Variants in UQCRB observed in about 807,000 individuals in gnomAD.
UQCRB encodes cytochrome b-c1 complex subunit 7.
A neutral mutation model predicts 19.8 loss-of-function variants in UQCRB; 12 were observed. The observed-to-expected ratio is 0.61, with a 90% CI of 0.39 to 0.98. The LOEUF is 0.98. UQCRB is among the 50% of genes least tolerant of loss of function. UQCRB has a pLI of 0.00. For synonymous variants in UQCRB, 39 were observed against 42.9 expected, an observed-to-expected ratio of 0.91 and a Z score of 0.35; for missense variants, 142 against 131.8, an observed-to-expected ratio of 1.08 and a Z score of -0.38.
intron 1 of UQCRB, chr8:96,234,698 A>G (rs751614250): frequency 2.6e-6 from 1 of 386,550 alleles, no homozygotes; most frequent in East Asian, 7.2e-5. Context: ...AGCTACTCCA[A>G]CTTGGTTGCA....
chr8:96,229,329 A>G lies in UQCRB; in HGVS notation c.*1726T>C, dbSNP rs1259911769. ...TCCCCTGTCCTTCAGCAGTGCCCTT[A>G]GGCTTGCTTTAAACATTAACAGCAT... is the stretch of plus-strand genomic sequence containing the variant. On this transcript the variant is annotated 3_prime_UTR_variant, in exon 4 of 4. Coordinates refer to ENST00000287022, the MANE Select transcript of UQCRB (RefSeq NM_006294.5). 1 of 454,070 alleles carries G rather than the reference A, an allele frequency of 2.2e-6. No homozygotes were observed. The highest frequency in any genetic ancestry group is 7.0e-5 in the East Asian group (1 of 14,388). The allele number at this position is 454,070 out of a possible 1,614,324, so 28.1% of individuals were successfully genotyped here.
At position 96,226,244 on chromosome 8, in the gene UQCRB, A is replaced by T. The variant is rs13260865; in HGVS notation, c.*4811T>A. On this transcript the variant is annotated 3_prime_UTR_variant, in exon 4 of 4. Coordinates refer to ENST00000287022, the MANE Select transcript of UQCRB (RefSeq NM_006294.5). ...TAATTTCTTCTTCCATACAATGGGCATTATAATAGCCATGCCAGAAGGTTG... is the reference window on the plus strand; with the variant it reads ...TAATTTCTTCTTCCATACAATGGGCTTTATAATAGCCATGCCAGAAGGTTG... 0.46 allele frequency: 69,379 copies of T among 152,142 alleles called. 16,247 individuals are homozygous for T. Among genetic ancestry groups the T allele is most frequent in the African/African-American group, 0.49 (20,439 of 41,440 alleles). The allele number at this position is 152,142 out of a possible 1,614,324, so 9.4% of individuals were successfully genotyped here.
chr8:96,228,120 C>A lies in UQCRB; in HGVS notation c.*2935G>T, dbSNP rs1374713260. ...CTAGGTAGTGCACTACAACAGTGAA[C>A]ATAAGCCAGCCATCTGTTTTTTTGC... On this transcript the variant is annotated 3_prime_UTR_variant, in exon 4 of 4. Transcript: ENST00000287022. The A allele has an allele frequency of 2.2e-6, 1 of 454,090 alleles. No homozygotes were observed. 28.1% of individuals were successfully genotyped at this position (454,090 alleles called of 1,614,324 possible).
chr8:96,231,257 T>G (rs756516499), intron 3 of UQCRB, 125 bp from the exon 4 acceptor site: 88 of 1,588,816 alleles, frequency 5.5e-5, no homozygotes, highest in Middle Eastern at 3.3e-4. Flanking sequence ...AAACATATTC[T>G]CAACCTAAGA....
rs141192103 is a variant in UQCRB, at chr8:96,235,468, G to T, written c.19+44C>A. 2.2e-5 allele frequency: 35 copies of T among 1,614,102 alleles called. No homozygotes were observed. In the Admixed American group the frequency reaches 5.5e-4, roughly 25 times the overall value. ...GAGCAAGCTGCAGCAAAAATAAACG[G>T]TGAAGCGCGACGATGCCGGCCAAGA... On this transcript the variant is annotated intron_variant, in intron 1 of 3. Coordinates refer to ENST00000287022, the MANE Select transcript of UQCRB (RefSeq NM_006294.5).
rs745782310 is a variant in UQCRB, at chr8:96,230,916, T to G, written c.*139A>C. ...ATTCAGTAGTTATTCAGTATAAGGT[T>G]TGGAATTCAAAAACTCCAGCCATTA... On this transcript the variant is annotated 3_prime_UTR_variant, in exon 4 of 4. Transcript: ENST00000287022. 2.0e-5 allele frequency: 18 copies of G among 913,812 alleles called. No individual in the cohort carries two copies. In the East Asian group the frequency reaches 3.5e-4, roughly 18 times the overall value. 56.6% of individuals were successfully genotyped at this position (913,812 alleles called of 1,614,324 possible).
chr8:96,231,265 A>G, intron 3 of UQCRB, 133 bp from the exon 4 acceptor site: 1 of 1,579,302 alleles, frequency 6.3e-7, no homozygotes. Context: ...TCTCAACCTA[A>G]GAACTATCTG....
rs897249990 is a variant in UQCRB at position 96,227,718 on chromosome 8, G to T, written c.*3337C>A. On this transcript the variant is annotated 3_prime_UTR_variant, in exon 4 of 4. Transcript: ENST00000287022. ...CTATTTGTGAAGGATTATTACTTTG[G>T]GCTTTGGCCCAGTTTTTATTCTTAC... The T allele has an allele frequency of 1.5e-5, 7 of 453,518 alleles. No homozygotes were observed. Among genetic ancestry groups the T allele is most frequent in the African/African-American group, 1.4e-4 (7 of 49,958 alleles). 28.1% of individuals were successfully genotyped at this position (453,518 alleles called of 1,614,324 possible). A position where few individuals can be genotyped will look rare whatever the true frequency, so the allele number is the denominator to read the frequency against.
At chr8:96,234,660 G>A in intron 1 of UQCRB, 1 of 469,220 alleles carries the variant, frequency 2.1e-6, no homozygotes, top group Non-Finnish European at 3.8e-6. Flanking sequence ...ATTGCTGGGG[G>A]CGGGGAGAAA....
At chr8:96,231,350 G>C in intron 3 of UQCRB, 1 of 1,545,358 alleles carries the variant, frequency 6.5e-7, no homozygotes, top group East Asian at 2.4e-5. Context: ...AGTCTTTTCG[G>C]GAAGAAAAAG....
intron 1 of UQCRB, 51 bp from the exon 2 acceptor site, chr8:96,233,278 C>T: frequency 6.4e-7 from 1 of 1,560,828 alleles, no homozygotes; most frequent in South Asian, 1.1e-5. Context: ...ACTATATGAA[C>T]ACATTGATAG....
intron 1 of UQCRB, chr8:96,234,006 G>A (rs901298390): frequency 2.6e-5 from 4 of 153,164 alleles, no homozygotes; most frequent in Admixed American, 2.0e-4. Flanking sequence ...CAGGGTCCAA[G>A]TACAGCAGGA....
chr8:96,235,320 T>C, intron 1 of UQCRB, 192 bp downstream of exon 1: 1 of 820,104 alleles, frequency 1.2e-6, no homozygotes. Context: ...ATCCCAACCC[T>C]ATACAGGCAA....
At position 96,231,021 on chromosome 8, in the gene UQCRB, A is replaced by C. The variant is rs760088538; in HGVS notation, c.*34T>G. ...GTTTGTTTCAAGTTTAACCATCTTC[A>C]TAACAGCTGCATCCACAGACTTCAA... On this transcript the variant is annotated 3_prime_UTR_variant, in exon 4 of 4. Coordinates refer to ENST00000287022, the MANE Select transcript of UQCRB (RefSeq NM_006294.5). The C allele has an allele frequency of 1.4e-5, 22 of 1,593,926 alleles. No individual in the cohort carries two copies. The highest frequency in any genetic ancestry group is 1.9e-5 in the Non-Finnish European group (22 of 1,163,344).
chr8:96,234,472 G>C, intron 1 of UQCRB: 1 of 1,287,626 alleles, frequency 7.8e-7, no homozygotes, highest in Non-Finnish European at 1.0e-6. Flanking sequence ...GTTGAGATCT[G>C]GTCTATGTAG....
In UQCRB at chr8:96,224,906, A is replaced by G. The variant is rs1809501530; in HGVS notation, c.*6149T>C. Among the ~76,000 whole-genome samples, 1 of 152,206 alleles carries G rather than the reference A, an allele frequency of 6.6e-6. No homozygotes were observed. The highest frequency in any genetic ancestry group is 1.5e-5 in the Non-Finnish European group (1 of 68,042). ...GAGGACTGAGAGTTTGTACTACATA[A>G]AAATCAGAAACTTCCATTTGACAAA... On this transcript the variant is annotated 3_prime_UTR_variant, in exon 4 of 4. Transcript: ENST00000287022.
chr8:96,229,896 G>T lies in UQCRB; in HGVS notation c.*1159C>A, dbSNP rs7002575. The T allele has an allele frequency of 2.2e-6, 1 of 453,452 alleles. No homozygotes were observed. Among genetic ancestry groups the T allele is most frequent in the Admixed American group, 2.4e-5 (1 of 42,524 alleles). 28.1% of individuals were successfully genotyped at this position (453,452 alleles called of 1,614,324 possible). On this transcript the variant is annotated 3_prime_UTR_variant, in exon 4 of 4. Transcript: ENST00000287022. ...CAAACTTTAAATGTAACACAAATTC[G>T]TTTTTCACACTGTTTTGTTATTTGA...
Position 96,228,861 on chromosome 8 carries a change from T to G in UQCRB, c.*2194A>C, listed in dbSNP as rs1216395824. The G allele has an allele frequency of 1.3e-5, 6 of 453,942 alleles. No individual in the cohort carries two copies. The highest frequency in any genetic ancestry group is 4.0e-5 in the African/African-American group (2 of 49,996). 28.1% of individuals were successfully genotyped at this position (453,942 alleles called of 1,614,324 possible). On this transcript the variant is annotated 3_prime_UTR_variant, in exon 4 of 4. Coordinates refer to ENST00000287022, the MANE Select transcript of UQCRB (RefSeq NM_006294.5). ...CAATGTAGACCAGACTACAGGACAATGTAGATTTGGTCTACAGGACAATGC... is the reference window on the plus strand; with the variant it reads ...CAATGTAGACCAGACTACAGGACAAGGTAGATTTGGTCTACAGGACAATGC...
Position 96,230,418 on chromosome 8 carries a change from T to TA in UQCRB, c.*636dup, listed in dbSNP as rs1205687139. On this transcript the variant is annotated 3_prime_UTR_variant, in exon 4 of 4. Coordinates refer to ENST00000287022, the MANE Select transcript of UQCRB (RefSeq NM_006294.5). ...ATTTTTAAAAATTACCCTATAATCT[T>TA]AAAACTTTTAACTGACTAGTATCCA... is the stretch of plus-strand genomic sequence containing the variant. 1 of 447,448 alleles carries TA rather than the reference T, an allele frequency of 2.2e-6. No homozygotes were observed. Among genetic ancestry groups the TA allele is most frequent in the South Asian group, 1.6e-5 (1 of 62,558 alleles). The allele number at this position is 447,448 out of a possible 1,614,324, so 27.7% of individuals were successfully genotyped here.
Sources: allele counts gnomAD v4.1 joint callset (sites outside exome capture counted in the v4.1 genomes callset), GRCh38; gene constraint gnomAD v4.1.1; transcripts MANE v1.5; gene names NCBI Gene and HGNC (gene_info 2026-07-23, HGNC 2026-07-21).